The following USP53 variants were observed in gnomAD, a reference collection of about 807,000 sequenced individuals.
The protein encoded by USP53 is ubiquitin carboxyl-terminal hydrolase 53.
Under a neutral mutation model 94.9 loss-of-function variants are expected in USP53, and 71 were observed. The observed-to-expected ratio is 0.75, with a 90% CI of 0.62 to 0.91. USP53 has a LOEUF of 0.91. USP53 is among the 40% of genes least tolerant of loss of function. The probability of loss-of-function intolerance (pLI) is 0.00; values close to 1 mark genes in which losing one functional copy is unlikely to be tolerated. For synonymous variants in USP53, 375 were observed against 422.7 expected, an observed-to-expected ratio of 0.89 and a Z score of 1.39; for missense variants, 1,173 against 1,281.0, an observed-to-expected ratio of 0.92 and a Z score of 1.29.
chr4:119,284,487 A>G (rs1485756936), intron 17 of USP53, among the ~76,000 whole-genome samples: 12 of 151,850 alleles, frequency 7.9e-5, no homozygotes, highest in Admixed American at 2.6e-4. Flanking sequence ...AATTGCCACA[A>G]TGCCATTTGG....
At position 119,268,400 on chromosome 4, in the gene USP53, C is replaced by A. The variant is rs748922294; in HGVS notation, c.1268C>A (p.Thr423Lys). 6.2e-7 allele frequency: 1 copy of A among 1,613,380 alleles called. No individual in the cohort carries two copies. Among genetic ancestry groups the A allele is most frequent in the Non-Finnish European group, 8.5e-7 (1 of 1,179,672 alleles). The change falls in exon 14 of 19, where the codon ACA (threonine) becomes AAA (lysine). Residue 423 changes from threonine (T) to lysine (K), a missense_variant. By Grantham distance (78) the Thr-to-Lys change is moderately conservative. Coordinates refer to ENST00000692078, the MANE Select transcript of USP53 (RefSeq NM_001371395.1). Reference protein sequence around the residue: ...ISSSNRSHSHTGVGKGPAKLS... With the variant: ...ISSSNRSHSHKGVGKGPAKLS... The stretch of plus-strand genomic sequence containing the variant: ...TCATCTAATCGGAGCCACAGTCACA[C>A]AGGTGTAGGGAAAGGACCAGGTATG...
Position 119,230,634 on chromosome 4 carries a change from G to C in USP53, c.-664-4656G>C, listed in dbSNP as rs114628066. Among the ~76,000 whole-genome samples, 285 of 152,284 alleles carry C rather than the reference G, an allele frequency of 1.9e-3. 1 individual carries two copies. The highest frequency in any genetic ancestry group is 6.4e-3 in the African/African-American group (268 of 41,552). On this transcript the variant is annotated intron_variant, in intron 3 of 18. Coordinates refer to ENST00000692078, the MANE Select transcript of USP53 (RefSeq NM_001371395.1). ...CTCTAGGAGAGTCCTGACCAGAAAAGAAGTTGGATTCAGGTGTAACTGGGC... is the reference window on the plus strand; with the variant it reads ...CTCTAGGAGAGTCCTGACCAGAAAACAAGTTGGATTCAGGTGTAACTGGGC...
intron 6 of USP53, among the ~76,000 whole-genome samples, chr4:119,246,903 AT>A (rs1322957565): frequency 2.6e-5 from 4 of 152,126 alleles, no homozygotes; most frequent in Non-Finnish European, 5.9e-5. Flanking sequence ...ATTTTTTTAC[AT>A]TCTTGAATAT....
At chr4:119,266,269 C>T (rs1334227949) in intron 12 of USP53, 2 of 455,996 alleles carry the variant, frequency 4.4e-6, no homozygotes, top group East Asian at 1.4e-4. Flanking sequence ...TATGAGTAAT[C>T]TGTGAACATA....
chr4:119,234,574 T>C (rs1434472960), intron 3 of USP53, among the ~76,000 whole-genome samples: 1 of 152,234 alleles, frequency 6.6e-6, no homozygotes. Context: ...TAATAAAGTT[T>C]ATTGAAAATA....
At position 119,267,503 on chromosome 4, in the gene USP53, T is replaced by G. The variant is rs1751298052; in HGVS notation, c.1135+21T>G. 2.5e-6 allele frequency: 4 copies of G among 1,598,856 alleles called. No individual in the cohort carries two copies. The Admixed American group carries it at 7.0e-5, about 28-fold the overall frequency. ...TATGGGTAATTCTTTCTTTTAAAAA[T>G]TCTCAATGTTTTTCTATTATCACAG... On this transcript the variant is annotated intron_variant, in intron 13 of 18. Transcript: ENST00000692078.
chr4:119,285,980 G>A lies in USP53; in HGVS notation c.2252-5185G>A, dbSNP rs900425139. 2.0e-5 allele frequency among the ~76,000 whole-genome samples: 3 copies of A among 151,852 alleles called. No homozygotes were observed. The East Asian group carries it at 5.8e-4, about 29-fold the overall frequency. On this transcript the variant is annotated intron_variant, in intron 17 of 18. Coordinates refer to ENST00000692078, the MANE Select transcript of USP53 (RefSeq NM_001371395.1). ...TTAAATTATAATCCAAGTGCAAAAA[G>A]CATTTATTGACTCCTGCTTTATTAT...
At chr4:119,241,916 CTT>C (rs1305122442) in intron 5 of USP53, among the ~76,000 whole-genome samples, 1 of 151,780 alleles carries the variant, frequency 6.6e-6, no homozygotes, top group Non-Finnish European at 1.5e-5. Flanking sequence ...CTTTTTTTCT[CTT>C]TGTGTTTTAC....
At chr4:119,279,422 G>A (rs1238849941) in intron 17 of USP53, among the ~76,000 whole-genome samples, 2 of 145,550 alleles carry the variant, frequency 1.4e-5, no homozygotes, top group South Asian at 2.2e-4. Flanking sequence ...CGGGGGTCAG[G>A]GGTCAGGGAC....
intron 3 of USP53, chr4:119,220,280 A>G (rs1233653599): frequency 6.6e-6 from 1 of 152,142 alleles, no homozygotes; most frequent in Non-Finnish European, 1.5e-5. Flanking sequence ...AATTAAATAT[A>G]TACTAAAAAA....
At chr4:119,244,544 A>G (rs555125766) in intron 5 of USP53, among the ~76,000 whole-genome samples, 8 of 152,274 alleles carry the variant, frequency 5.3e-5, no homozygotes, top group African/African-American at 1.7e-4. Context: ...CCAGTTGAGT[A>G]CCATACCCTG....
At chr4:119,229,599 C>T (rs1270041488) in intron 3 of USP53, among the ~76,000 whole-genome samples, 2 of 152,128 alleles carry the variant, frequency 1.3e-5, no homozygotes, top group Non-Finnish European at 2.9e-5. Flanking sequence ...CTTTACTTTC[C>T]TCTCTGCTTC....
intron 3 of USP53, among the ~76,000 whole-genome samples, chr4:119,223,381 A>G (rs1744811599): frequency 6.6e-6 from 1 of 152,224 alleles, no homozygotes; most frequent in African/African-American, 2.4e-5. Context: ...AGGAAAGTGT[A>G]CATTTGGAAG....
Position 119,293,082 on chromosome 4 carries a change from GAC to G in USP53, c.3095_3096del (p.Thr1032SerfsTer10), listed in dbSNP as rs1297439729. 6.2e-7 allele frequency: 1 copy of G among 1,613,924 alleles called. No individual in the cohort carries two copies. Among genetic ancestry groups the G allele is most frequent in the Non-Finnish European group, 8.5e-7 (1 of 1,179,968 alleles). ...ACTCTATTTCTACCTGTCCAAATGA[GAC>G]AGTTTCATTAACTACCTATTTTTCA... ...LDSISTCPNE[T>X]VSLTTYFSVD... On this transcript the variant is annotated frameshift_variant, in exon 19 of 19. Coordinates refer to ENST00000692078, the MANE Select transcript of USP53 (RefSeq NM_001371395.1). LOFTEE classifies it high-confidence loss of function.
intron 3 of USP53, among the ~76,000 whole-genome samples, chr4:119,227,967 C>A (rs1176398312): frequency 2.0e-5 from 3 of 152,180 alleles, no homozygotes; most frequent in South Asian, 4.1e-4. Flanking sequence ...ATGAGAAATT[C>A]TAGAGAAGTT....
At chr4:119,260,765 G>A (rs1750394004) in intron 11 of USP53, 112 bp downstream of exon 11, 1 of 1,243,870 alleles carries the variant, frequency 8.0e-7, no homozygotes, top group Non-Finnish European at 1.1e-6. Flanking sequence ...TAACTGGAAT[G>A]CCTTTACTAC....
intron 5 of USP53, among the ~76,000 whole-genome samples, chr4:119,244,617 T>C (rs1747975961): frequency 1.3e-5 from 2 of 152,208 alleles, no homozygotes; most frequent in African/African-American, 4.8e-5. Flanking sequence ...AGTACTATTC[T>C]TATCCTCATT....
chr4:119,281,572 A>G (rs992634916), intron 17 of USP53, among the ~76,000 whole-genome samples: 1 of 152,232 alleles, frequency 6.6e-6, no homozygotes, highest in Non-Finnish European at 1.5e-5. Flanking sequence ...TTGGTAACCA[A>G]GTATTACAGG....
chr4:119,217,041 A>G (rs773542110), intron 2 of USP53, among the ~76,000 whole-genome samples: 25 of 152,138 alleles, frequency 1.6e-4, no homozygotes, highest in Non-Finnish European at 3.4e-4. Context: ...ATTATAGATG[A>G]TGAAACTGAT....
Sources: gnomAD v4.1 joint callset for allele counts (sites outside exome capture counted in the v4.1 genomes callset) on GRCh38, gnomAD v4.1.1 for gene constraint, MANE v1.5 for transcripts, NCBI Gene and HGNC (gene_info 2026-07-23, HGNC 2026-07-21) for gene names.